The following SKIC8 variants were observed in gnomAD, a reference collection of about 807,000 sequenced individuals.
The protein encoded by SKIC8 is superkiller complex protein 8.
the SKIC8 span, chr15:78,295,566 C>T: frequency 6.7e-7 from 1 of 1,486,634 alleles, no homozygotes; most frequent in East Asian, 2.3e-5. Flanking sequence ...TCTTTAGGAG[C>T]CAGGCAAGAA....
the SKIC8 span, chr15:78,290,027 T>C: frequency 1.2e-6 from 2 of 1,614,206 alleles, no homozygotes; most frequent in South Asian, 2.2e-5. Context: ...ACCAAAAATG[T>C]TCACTTTCCC....
the SKIC8 span, among the ~76,000 whole-genome samples, chr15:78,296,586 T>C: frequency 1.3e-5 from 2 of 149,556 alleles, no homozygotes; most frequent in African/African-American, 4.9e-5. Flanking sequence ...TCATGGTCAA[T>C]GCAGCTTCAA....
chr15:78,290,105 C>A, the SKIC8 span: 6 of 1,604,704 alleles, frequency 3.7e-6, no homozygotes, highest in East Asian at 1.3e-4. Context: ...ATCCACTGAA[C>A]AGAAAAAAGA....
chr15:78,294,767 T>C, the SKIC8 span: 1 of 505,878 alleles, frequency 2.0e-6, no homozygotes, highest in Non-Finnish European at 3.2e-6. Context: ...GTTGTTCAGG[T>C]TTTTGTTGTT....
the SKIC8 span, among the ~76,000 whole-genome samples, chr15:78,289,375 T>A: frequency 0.058 from 8,834 of 152,106 alleles, 297 homozygotes; most frequent in Middle Eastern, 0.13. Flanking sequence ...ATCACACCAC[T>A]GCACTCCAGC....
the SKIC8 span, chr15:78,285,158 A>G: frequency 8.5e-6 from 9 of 1,062,744 alleles, no homozygotes; most frequent in Non-Finnish European, 1.3e-5. Context: ...CCAGGCATCT[A>G]CTGGTATCCA....
chr15:78,285,605 G>C, the SKIC8 span: 1 of 541,058 alleles, frequency 1.8e-6, no homozygotes, highest in African/African-American at 1.9e-5. Flanking sequence ...AGGGAGGCCT[G>C]TTAAAGCTTC....
the SKIC8 span, among the ~76,000 whole-genome samples, chr15:78,297,319 T>C: frequency 6.6e-6 from 1 of 152,226 alleles, no homozygotes; most frequent in East Asian, 1.9e-4. Flanking sequence ...ATCAGGCAAC[T>C]AAAATTTTTC....
chr15:78,288,407 A>C, the SKIC8 span: 1 of 1,609,688 alleles, frequency 6.2e-7, no homozygotes, highest in Non-Finnish European at 8.5e-7. Context: ...GGCCCTTGTT[A>C]ATCTGGTGAA....
At chr15:78,288,781 T>G in the SKIC8 span, 1 of 344,164 alleles carries the variant, frequency 2.9e-6, no homozygotes, top group East Asian at 7.9e-5. Context: ...CGTAATAAAT[T>G]CACTTGATTA....
At chr15:78,297,080 G>C in the SKIC8 span, among the ~76,000 whole-genome samples, 5 of 152,142 alleles carry the variant, frequency 3.3e-5, no homozygotes, top group Non-Finnish European at 7.4e-5. Flanking sequence ...CCTAAACAAA[G>C]CTTATCTAAC....
chr15:78,286,113 C>T, the SKIC8 span: 2 of 1,613,182 alleles, frequency 1.2e-6, no homozygotes, highest in Non-Finnish European at 1.7e-6. Context: ...GCTCAGCGTG[C>T]CAGCCAAATT....
At chr15:78,294,906 T>C in the SKIC8 span, 1 of 1,613,960 alleles carries the variant, frequency 6.2e-7, no homozygotes, top group South Asian at 1.1e-5. Flanking sequence ...CAACACAGTT[T>C]TTTTCACAGA....
At chr15:78,297,646 G>C in the SKIC8 span, among the ~76,000 whole-genome samples, 2 of 152,084 alleles carry the variant, frequency 1.3e-5, no homozygotes, top group Non-Finnish European at 2.9e-5. Flanking sequence ...AATGTGATTT[G>C]TTGCCTACAT....
chr15:78,292,539 A>G, the SKIC8 span: 98 of 1,593,408 alleles, frequency 6.2e-5, no homozygotes, highest in Non-Finnish European at 8.2e-5. Flanking sequence ...CTGAGCTGTA[A>G]AACACATTCT....
At chr15:78,292,486 C>T in the SKIC8 span, 7 of 976,016 alleles carry the variant, frequency 7.2e-6, no homozygotes, top group Non-Finnish European at 1.1e-5. Context: ...ATGTGAAATA[C>T]AGTTCATGCA....
chr15:78,288,228 G>T, the SKIC8 span: 1 of 1,572,734 alleles, frequency 6.4e-7, no homozygotes, highest in Non-Finnish European at 8.7e-7. Flanking sequence ...AGGGCTCCTT[G>T]TAACAATAAA....
At chr15:78,289,685 C>T in the SKIC8 span, 1 of 1,614,154 alleles carries the variant, frequency 6.2e-7, no homozygotes, top group South Asian at 1.1e-5. Context: ...TCTATGGCTC[C>T]ACTGGCTAGG....
chr15:78,292,869 T>C, the SKIC8 span: 1 of 1,479,856 alleles, frequency 6.8e-7, no homozygotes, highest in Non-Finnish European at 9.3e-7. Flanking sequence ...TCCCTGTGAC[T>C]ATGCAATACC....
Sources: allele counts gnomAD v4.1 joint callset (sites outside exome capture counted in the v4.1 genomes callset), GRCh38; gene constraint gnomAD v4.1.1; transcripts MANE v1.5; gene names NCBI Gene and HGNC (gene_info 2026-07-23, HGNC 2026-07-21).